Variants in KDM4B observed in about 807,000 individuals in gnomAD.
KDM4B encodes lysine-specific demethylase 4B.
In KDM4B, 32 loss-of-function variants were observed where a neutral mutation model predicts 125.2. That is an observed-to-expected ratio of 0.26 (90% confidence interval 0.19 to 0.34). The LOEUF (loss-of-function observed/expected upper bound fraction) is 0.34, where lower values mean the gene tolerates loss of function less well. Among genes scored for constraint, KDM4B ranks in the 10% least tolerant of loss-of-function variants. The pLI is 1.00. For missense variants in KDM4B, 1,190 were observed against 1,577.7 expected, an observed-to-expected ratio of 0.75 and a Z score of 4.16; for synonymous variants, 721 against 677.9, an observed-to-expected ratio of 1.06 and a Z score of -0.99.
At chr19:5,011,718 G>A in intron 1 of KDM4B, among the ~76,000 whole-genome samples, 1 of 152,238 alleles carries the variant, frequency 6.6e-6, no homozygotes, top group East Asian at 1.9e-4. Context: ...GGAAAGAGGT[G>A]GGCAGTGTGG....
At chr19:5,071,336 T>C (rs1283017650) in intron 7 of KDM4B, among the ~76,000 whole-genome samples, 2 of 152,224 alleles carry the variant, frequency 1.3e-5, no homozygotes, top group African/African-American at 2.4e-5. Context: ...GCAAACTTCT[T>C]GGGCCTGGTC....
intron 21 of KDM4B, among the ~76,000 whole-genome samples, chr19:5,148,151 G>A (rs533456554): frequency 1.8e-3 from 274 of 152,360 alleles, no homozygotes; most frequent in Middle Eastern, 3.4e-3. Context: ...CAGGGAGCCC[G>A]GGCCGAGGCG....
chr19:5,035,192 T>A lies in KDM4B; in HGVS notation c.141+2161T>A. On this transcript the variant is annotated intron_variant, in intron 3 of 22. Transcript: ENST00000159111. The surrounding 1 kb of genome is among the most constrained non-coding windows in gnomAD (Gnocchi z 5.3). ...AAGGCCCAGGTCCTCCTCTTCCTCC[T>A]CTCCCTGGTGCACATAGGGCAGGTG... 6.6e-6 allele frequency among the ~76,000 whole-genome samples: 1 copy of A among 152,096 alleles called. No individual in the cohort carries two copies. The highest frequency in any genetic ancestry group is 1.9e-4 in the East Asian group (1 of 5,176).
intron 5 of KDM4B, among the ~76,000 whole-genome samples, chr19:5,041,575 A>C (rs1016020062): frequency 3.3e-5 from 5 of 152,170 alleles, no homozygotes; most frequent in Non-Finnish European, 7.4e-5. Flanking sequence ...TCTTCCTGGC[A>C]CTGTGGAGCC....
intron 11 of KDM4B, among the ~76,000 whole-genome samples, chr19:5,128,265 C>T (rs185678228): frequency 3.9e-5 from 6 of 152,324 alleles, no homozygotes; most frequent in Admixed American, 2.6e-4. Context: ...CCCAATTCCT[C>T]ATGTGTGCAC....
In KDM4B at chr19:5,141,095, C is replaced by G. The variant is rs1353208707; in HGVS notation, c.2551-2872C>G. The G allele has an allele frequency of 6.6e-6, 1 of 152,312 alleles. No individual in the cohort carries two copies. The highest frequency in any genetic ancestry group is 1.5e-5 in the Non-Finnish European group (1 of 68,104). 9.4% of individuals were successfully genotyped at this position (152,312 alleles called of 1,614,324 possible). Reference sequence around the variant, plus strand: ...GCCACAAAGCCCGGGCTCCCATGCACTGGTGCGAGGTGCCCACGAGCCCGG... The same window carrying G: ...GCCACAAAGCCCGGGCTCCCATGCAGTGGTGCGAGGTGCCCACGAGCCCGG... On this transcript the variant is annotated intron_variant, in intron 18 of 22. Transcript: ENST00000159111. The surrounding 1 kb of genome is among the most constrained non-coding windows in gnomAD (Gnocchi z 6.4).
intron 2 of KDM4B, among the ~76,000 whole-genome samples, chr19:5,029,425 C>T (rs1180212601): frequency 6.6e-6 from 1 of 152,212 alleles, no homozygotes; most frequent in Non-Finnish European, 1.5e-5. Context: ...AGTAAATTCC[C>T]TCTTCCCTGT....
Position 5,077,399 on chromosome 19 carries a change from G to A in KDM4B, c.709G>A (p.Ala237Thr). Residue 237 changes from alanine (A) to threonine (T), a missense_variant, in exon 8 of 23, where the codon GCC (alanine) becomes ACC (threonine). Physicochemically the swap from Ala to Thr is moderately conservative, Grantham distance 58 (BLOSUM62 0). Transcript: ENST00000159111. ...CCCCGGGAGCTCGCAGGGCTGCGACGCCTTCCTGCGGCATAAGATGACCCT... is the reference window on the plus strand; with the variant it reads ...CCCCGGGAGCTCGCAGGGCTGCGACACCTTCCTGCGGCATAAGATGACCCT... ...FFPGSSQGCD[A>T]FLRHKMTLIS... 1 of 1,613,168 alleles carries A rather than the reference G, an allele frequency of 6.2e-7. No individual in the cohort carries two copies.
Position 5,027,544 on chromosome 19 carries a change from GTTTTTTTT to G in KDM4B, c.-25-5312_-25-5305del, listed in dbSNP as rs565728081. Among the ~76,000 whole-genome samples the G allele has an allele frequency of 2.2e-5, 3 of 134,642 alleles. No homozygotes were observed. The South Asian group carries it at 7.1e-4, about 32-fold the overall frequency. The allele number at this position is 134,642 out of a possible 152,430, so 88.3% of individuals were successfully genotyped here. A position where few individuals can be genotyped will look rare whatever the true frequency, so the allele number is the denominator to read the frequency against. ...CCTCCCTTTCTTCTCTCTCTTTTCAGTTTTTTTTTTTTTTTTTGAGACGGAGTTTCTCG... is the reference window on the plus strand; with the variant it reads ...CCTCCCTTTCTTCTCTCTCTTTTCAGTTTTTTTTTGAGACGGAGTTTCTCG... On this transcript the variant is annotated intron_variant, in intron 2 of 22. Transcript: ENST00000159111.
intron 3 of KDM4B, among the ~76,000 whole-genome samples, chr19:5,038,216 G>A (rs1016024708): frequency 2.0e-4 from 30 of 152,242 alleles, no homozygotes; most frequent in African/African-American, 6.8e-4. Context: ...CCAGGACTGG[G>A]TGTGGCAGCC....
At position 5,141,431 on chromosome 19, in the gene KDM4B, A is replaced by G. The variant is rs1401176112; in HGVS notation, c.2551-2536A>G. The stretch of plus-strand genomic sequence containing the variant: ...CCTCCTGCCCGACGCCTTATGGATC[A>G]TCTGACATTTCCAGAACGCAGCCTC... On this transcript the variant is annotated intron_variant, in intron 18 of 22. Coordinates refer to ENST00000159111, the MANE Select transcript of KDM4B (RefSeq NM_015015.3). The surrounding 1 kb of genome is among the most constrained non-coding windows in gnomAD (Gnocchi z 6.4). 1 of 152,218 alleles carries G rather than the reference A, an allele frequency of 6.6e-6. No homozygotes were observed. Among genetic ancestry groups the G allele is most frequent in the Non-Finnish European group, 1.5e-5 (1 of 68,032 alleles). 9.4% of individuals were successfully genotyped at this position (152,218 alleles called of 1,614,324 possible). A position where few individuals can be genotyped will look rare whatever the true frequency, so the allele number is the denominator to read the frequency against.
At chr19:5,124,188 C>T (rs2039410659) in intron 11 of KDM4B, among the ~76,000 whole-genome samples, 1 of 152,030 alleles carries the variant, frequency 6.6e-6, no homozygotes, top group Non-Finnish European at 1.5e-5. Context: ...GACCCGGGCC[C>T]ACCCAAGCCC....
Position 5,035,969 on chromosome 19 carries a change from C to G in KDM4B, c.141+2938C>G, listed in dbSNP as rs1030655256. Among the ~76,000 whole-genome samples the G allele has an allele frequency of 6.6e-6, 1 of 152,116 alleles. No individual in the cohort carries two copies. The highest frequency in any genetic ancestry group is 2.1e-4 in the South Asian group (1 of 4,820). On this transcript the variant is annotated intron_variant, in intron 3 of 22. Coordinates refer to ENST00000159111, the MANE Select transcript of KDM4B (RefSeq NM_015015.3). The surrounding 1 kb of genome is among the most constrained non-coding windows in gnomAD (Gnocchi z 5.3). ...AGAGAGCTTGGCAGCTGCAGAGTCACGTTGGCACCCGCATGTGGCACACGC... is the reference window on the plus strand; with the variant it reads ...AGAGAGCTTGGCAGCTGCAGAGTCAGGTTGGCACCCGCATGTGGCACACGC...
chr19:5,056,396 CCTTT>C (rs888854035), intron 6 of KDM4B, among the ~76,000 whole-genome samples: 9 of 151,924 alleles, frequency 5.9e-5, no homozygotes, highest in Non-Finnish European at 1.0e-4. Context: ...GGATCATCTC[CCTTT>C]CTTTCTTTTT....
intron 1 of KDM4B, among the ~76,000 whole-genome samples, chr19:5,015,675 C>A (rs1356813256): frequency 6.6e-6 from 1 of 152,162 alleles, no homozygotes; most frequent in Non-Finnish European, 1.5e-5. Flanking sequence ...TATAGTGAGA[C>A]CCTGTCTCTT....
chr19:5,032,550 C>T (rs556132329), intron 2 of KDM4B, among the ~76,000 whole-genome samples: 210 of 152,334 alleles, frequency 1.4e-3, no homozygotes, highest in African/African-American at 4.7e-3. Context: ...ACACCTGTGG[C>T]GTCCCTGATA....
rs1264577786 is a variant in KDM4B at position 5,142,250 on chromosome 19, G to C, written c.2551-1717G>C. On this transcript the variant is annotated intron_variant, in intron 18 of 22. Transcript: ENST00000159111. The surrounding 1 kb of genome is among the most constrained non-coding windows in gnomAD (Gnocchi z 5.4). ...CACGGGCCGTAGACCCTGACTCCCCGGCACACACTGGCCTGGGCCAGGCCA... is the reference window on the plus strand; with the variant it reads ...CACGGGCCGTAGACCCTGACTCCCCCGCACACACTGGCCTGGGCCAGGCCA... Among the ~76,000 whole-genome samples, 1 of 152,062 alleles carries C rather than the reference G, an allele frequency of 6.6e-6. No individual in the cohort carries two copies. Among genetic ancestry groups the C allele is most frequent in the African/African-American group, 2.4e-5 (1 of 41,414 alleles).
intron 11 of KDM4B, among the ~76,000 whole-genome samples, chr19:5,121,460 C>CA (rs2039359922): frequency 6.6e-6 from 1 of 152,166 alleles, no homozygotes; most frequent in Non-Finnish European, 1.5e-5. Context: ...AGCAAGTCTA[C>CA]AGGCAGCCGC....
At position 5,041,124 on chromosome 19, in the gene KDM4B, G is replaced by T; in HGVS notation, c.318-13G>T. The stretch of plus-strand genomic sequence containing the variant: ...CCTCACCCTGAGCTGGTTTTGGGGT[G>T]TTTGTTCACCAGGTACTGTACCCCG... On this transcript the variant is annotated splice_polypyrimidine_tract_variant and intron_variant, in intron 4 of 22. Transcript: ENST00000159111. 6.3e-7 allele frequency: 1 copy of T among 1,585,454 alleles called. No individual in the cohort carries two copies. The highest frequency in any genetic ancestry group is 8.7e-7 in the Non-Finnish European group (1 of 1,155,578).
Sources: allele counts gnomAD v4.1 joint callset (sites outside exome capture counted in the v4.1 genomes callset), GRCh38; gene constraint gnomAD v4.1.1; non-coding constraint Gnocchi (gnomAD v3.1); transcripts MANE v1.5; gene names NCBI Gene and HGNC (gene_info 2026-07-23, HGNC 2026-07-21).